Variants in DDX46 observed in about 807,000 individuals in gnomAD.
DDX46 encodes DEAD-box helicase 46, also known as probable ATP-dependent RNA helicase DDX46.
In DDX46, 30 loss-of-function variants were observed where a neutral mutation model predicts 134.9. The observed-to-expected ratio is 0.22, with a 90% CI of 0.17 to 0.30. DDX46 has a LOEUF of 0.30. Ranked by LOEUF, DDX46 falls within the 10% of genes least tolerant of loss-of-function variation. DDX46 has a pLI of 1.00. For missense variants in DDX46, 622 were observed against 1,248.7 expected, an observed-to-expected ratio of 0.50 and a Z score of 7.56; for synonymous variants, 415 against 404.1, an observed-to-expected ratio of 1.03 and a Z score of -0.32.
chr5:134,799,836 G>A (rs1329628291), intron 15 of DDX46, among the ~76,000 whole-genome samples: 1 of 151,878 alleles, frequency 6.6e-6, no homozygotes, highest in Non-Finnish European at 1.5e-5. Flanking sequence ...CTTGAGTCTA[G>A]GAGTTCGAGG....
rs747361162 is a variant in DDX46, at chr5:134,807,729, C to T, written c.1955-19C>T. On this transcript the variant is annotated intron_variant, in intron 15 of 22. Transcript: ENST00000452510. ...AATTTAATTTGAACATGTTTTAAAG[C>T]TCTCTAATTTACTTGCAGGCATTGA... 1.8e-5 allele frequency: 29 copies of T among 1,592,244 alleles called. No homozygotes were observed. The East Asian group carries it at 5.8e-4, about 32-fold the overall frequency.
In DDX46 at chr5:134,765,784, T is replaced by C. The variant is rs141597508; in HGVS notation, c.207-1133T>C. Among the ~76,000 whole-genome samples, 528 of 152,266 alleles carry C rather than the reference T, an allele frequency of 3.5e-3. 2 individuals are homozygous for C. The highest frequency in any genetic ancestry group is 6.0e-3 in the Non-Finnish European group (406 of 68,030). ...ATTTAACTTTATCCTTTTCAGACAT[T>C]GGAGTACATTGTTGTTACGTAGGAT... is the stretch of plus-strand genomic sequence containing the variant. On this transcript the variant is annotated intron_variant, in intron 2 of 22. Coordinates refer to ENST00000452510, the MANE Select transcript of DDX46 (RefSeq NM_001300860.2).
intron 18 of DDX46, among the ~76,000 whole-genome samples, chr5:134,812,740 C>T (rs1367390658): frequency 1.3e-5 from 2 of 151,984 alleles, no homozygotes; most frequent in East Asian, 1.9e-4. Context: ...TGGGTTCAAG[C>T]GATTTTCCTG....
chr5:134,810,242 C>T (rs1275669073), intron 16 of DDX46, among the ~76,000 whole-genome samples: 6 of 149,826 alleles, frequency 4.0e-5, no homozygotes, highest in Admixed American at 4.0e-4. Context: ...AGATAGCAAA[C>T]TCTAGCGAGA....
chr5:134,815,197 C>CA, intron 18 of DDX46, among the ~76,000 whole-genome samples: 1 of 152,008 alleles, frequency 6.6e-6, no homozygotes, highest in East Asian at 1.9e-4. Context: ...GACCCTGTCT[C>CA]AAAAAAATAC....
At chr5:134,778,577 A>AT (rs2150138269) in intron 6 of DDX46, among the ~76,000 whole-genome samples, 1 of 151,662 alleles carries the variant, frequency 6.6e-6, no homozygotes, top group African/African-American at 2.4e-5. Context: ...TTATTTATTT[A>AT]TTTATTTTTT....
At chr5:134,785,191 T>A (rs963974721) in intron 10 of DDX46, among the ~76,000 whole-genome samples, 1 of 152,228 alleles carries the variant, frequency 6.6e-6, no homozygotes, top group Non-Finnish European at 1.5e-5. Flanking sequence ...GAAAACTGTT[T>A]GCATTCTTTT....
intron 1 of DDX46, among the ~76,000 whole-genome samples, chr5:134,760,607 A>G (rs549221214): frequency 6.6e-6 from 1 of 152,358 alleles, no homozygotes; most frequent in East Asian, 1.9e-4. Flanking sequence ...GGAAGACTAC[A>G]GTCTTTAAGA....
intron 2 of DDX46, among the ~76,000 whole-genome samples, chr5:134,766,061 A>G (rs1753557909): frequency 6.6e-6 from 1 of 152,178 alleles, no homozygotes; most frequent in Non-Finnish European, 1.5e-5. Context: ...GACCTTCATC[A>G]TGTCATTAGT....
intron 15 of DDX46, among the ~76,000 whole-genome samples, chr5:134,801,647 C>T (rs1047912348): frequency 4.6e-5 from 7 of 152,244 alleles, no homozygotes; most frequent in Admixed American, 2.6e-4. Flanking sequence ...GCAGTCCTCC[C>T]GCCTTAAGCT....
At position 134,781,955 on chromosome 5, in the gene DDX46, C is replaced by T. The variant is rs1348437854; in HGVS notation, c.914C>T (p.Thr305Ile). The change falls in exon 8 of 23, where the codon ACA becomes ATA. Residue 305 changes from threonine (T) to isoleucine (I), a missense_variant. By Grantham distance (89) the Thr-to-Ile change is moderately conservative. Transcript: ENST00000452510. The stretch of plus-strand genomic sequence containing the variant: ...GAGGAGGAAGAAGTTGATCTTCAGA[C>T]AGCCCTTACAGGGTATCAAACAAAA... ...SSEEEEVDLQ[T>I]ALTGYQTKQR... The T allele has an allele frequency of 6.2e-7, 1 of 1,607,772 alleles. No individual in the cohort carries two copies. Among genetic ancestry groups the T allele is most frequent in the South Asian group, 1.1e-5 (1 of 89,778 alleles).
At chr5:134,825,007 G>C (rs1755552512) in intron 21 of DDX46, among the ~76,000 whole-genome samples, 1 of 152,184 alleles carries the variant, frequency 6.6e-6, no homozygotes, top group Non-Finnish European at 1.5e-5. Context: ...TAGGACCAAT[G>C]AAAGGAAATG....
At chr5:134,790,888 G>A (rs549467158) in intron 13 of DDX46, among the ~76,000 whole-genome samples, 23 of 152,086 alleles carry the variant, frequency 1.5e-4, no homozygotes, top group Admixed American at 1.2e-3. Flanking sequence ...AGTGGAGAAC[G>A]ATCACTACTC....
chr5:134,783,186 T>G (rs1754209431), intron 9 of DDX46, 121 bp downstream of exon 9: 3 of 1,328,012 alleles, frequency 2.3e-6, no homozygotes, highest in Admixed American at 4.7e-5. Flanking sequence ...TAAAAAACTT[T>G]CATTGAGATA....
chr5:134,794,937 C>G lies in DDX46; in HGVS notation c.1714C>G (p.Arg572Gly). The G allele has an allele frequency of 6.2e-7, 1 of 1,614,132 alleles. No individual in the cohort carries two copies. The highest frequency in any genetic ancestry group is 8.5e-7 in the Non-Finnish European group (1 of 1,180,022). ...TFPRAMEALARRILSKPIEVQ... is the reference protein window; with the variant it reads ...TFPRAMEALAGRILSKPIEVQ... ...CCCCAGAGCTATGGAGGCTTTGGCT[C>G]GCAGGATCCTCAGTAAACCTATTGA... is the stretch of plus-strand genomic sequence containing the variant. The change falls in exon 14 of 23, where the codon CGC becomes GGC. Residue 572 changes from arginine to glycine, a missense_variant. By Grantham distance (125) the Arg-to-Gly change is moderately radical. Coordinates refer to ENST00000452510, the MANE Select transcript of DDX46 (RefSeq NM_001300860.2).
chr5:134,783,076 G>C lies in DDX46; in HGVS notation c.1166+11G>C, dbSNP rs998371027. The C allele has an allele frequency of 2.5e-6, 4 of 1,611,878 alleles. No individual in the cohort carries two copies. The African/African-American group carries it at 5.3e-5, about 22-fold the overall frequency. ...AAATTCCCTCAAGAAGTAAGTGGTT[G>C]GTGGTTGTTTATGTTTTCCGTGTCT... On this transcript the variant is annotated intron_variant, in intron 9 of 22. Coordinates refer to ENST00000452510, the MANE Select transcript of DDX46 (RefSeq NM_001300860.2).
rs1753587742 is a variant in DDX46 at position 134,766,954 on chromosome 5, C to G, written c.244C>G (p.Arg82Gly). The G allele has an allele frequency of 1.2e-6, 2 of 1,613,752 alleles. No homozygotes were observed. The highest frequency in any genetic ancestry group is 1.7e-6 in the Non-Finnish European group (2 of 1,179,956). ...TAGAGAGAGAGACAGAAGCCGAGAG[C>G]GAAGAAGATCTCGAAGTAGAGACAG... ...RSRERDRSRERRRSRSRDRRR... is the reference protein window; with the variant it reads ...RSRERDRSREGRRSRSRDRRR... The change falls in exon 3 of 23, where the codon CGA (arginine) becomes GGA (glycine). Residue 82 changes from arginine (R) to glycine (G), a missense_variant. By Grantham distance (125) the Arg-to-Gly change is moderately radical. Coordinates refer to ENST00000452510, the MANE Select transcript of DDX46 (RefSeq NM_001300860.2).
Position 134,758,852 on chromosome 5 carries a change from G to A in DDX46, c.-87G>A. On this transcript the variant is annotated 5_prime_UTR_variant, in exon 1 of 23. Coordinates refer to ENST00000452510, the MANE Select transcript of DDX46 (RefSeq NM_001300860.2). Reference sequence around the variant, plus strand: ...CTAGTGTTTAGCGCTGGTCTTTGCCGGGCGTTGAGGGCAGCTCAGCCTCCT... The same window carrying A: ...CTAGTGTTTAGCGCTGGTCTTTGCCAGGCGTTGAGGGCAGCTCAGCCTCCT... 6.2e-7 allele frequency: 1 copy of A among 1,600,810 alleles called. No homozygotes were observed. Among genetic ancestry groups the A allele is most frequent in the African/African-American group, 1.3e-5 (1 of 74,716 alleles).
chr5:134,811,946 C>T, intron 18 of DDX46, 101 bp downstream of exon 18: 3 of 1,418,442 alleles, frequency 2.1e-6, no homozygotes, highest in Non-Finnish European at 1.9e-6. Flanking sequence ...CACTGGAAAC[C>T]TTTACAAGAG....
Sources: allele counts gnomAD v4.1 joint callset (sites outside exome capture counted in the v4.1 genomes callset), GRCh38; gene constraint gnomAD v4.1.1; transcripts MANE v1.5; gene names NCBI Gene and HGNC (gene_info 2026-07-23, HGNC 2026-07-21).